The following FER variants were observed in gnomAD, a reference collection of about 807,000 sequenced individuals.
The protein encoded by FER is FER tyrosine kinase.
In FER, 63 loss-of-function variants were observed where a neutral mutation model predicts 111.0. The ratio of observed to expected loss-of-function variants is 0.57; its 90% confidence interval spans 0.46 to 0.70. The LOEUF is 0.70. Among genes scored for constraint, FER ranks in the 30% least tolerant of loss-of-function variants. The pLI, the probability that FER is intolerant of heterozygous loss-of-function variation, is 0.00. For missense variants in FER, 914 were observed against 954.0 expected (o/e 0.96, Z 0.55); for synonymous variants, 327 against 313.9 (o/e 1.04, Z -0.44).
At chr5:109,184,236 A>C (rs574217281) in intron 18 of FER, among the ~76,000 whole-genome samples, 8 of 152,296 alleles carry the variant, frequency 5.3e-5, no homozygotes, top group African/African-American at 1.4e-4. Flanking sequence ...GCATGATGTA[A>C]CTAAGTACTG....
chr5:108,834,424 G>A (rs913854584), intron 4 of FER, among the ~76,000 whole-genome samples: 2 of 152,066 alleles, frequency 1.3e-5, no homozygotes, highest in African/African-American at 2.4e-5. Context: ...CTGGCTGGGT[G>A]CGGTGGCTCA....
At chr5:109,166,147 A>G (rs1233947265) in intron 17 of FER, among the ~76,000 whole-genome samples, 2 of 148,200 alleles carry the variant, frequency 1.3e-5, no homozygotes, top group East Asian at 4.0e-4. Context: ...TTTTTTTTTC[A>G]TTTTCTCATG....
intron 2 of FER, among the ~76,000 whole-genome samples, chr5:108,768,783 A>T (rs1752588395): frequency 6.6e-6 from 1 of 151,832 alleles, no homozygotes; most frequent in African/African-American, 2.4e-5. Flanking sequence ...GGGGGAGGGG[A>T]TAGGTTAAAA....
At chr5:108,844,647 CCA>C (rs1761695658) in intron 5 of FER, among the ~76,000 whole-genome samples, 1 of 152,048 alleles carries the variant, frequency 6.6e-6, no homozygotes, top group African/African-American at 2.4e-5. Context: ...TCCCTGTCTT[CCA>C]CCTCTCTGTG....
chr5:108,810,085 ATAT>A (rs1399086136), intron 3 of FER, among the ~76,000 whole-genome samples: 1 of 151,174 alleles, frequency 6.6e-6, no homozygotes, highest in African/African-American at 2.4e-5. Flanking sequence ...TTTTCTTGTG[ATAT>A]TATTGTTATT....
chr5:108,922,563 T>C (rs1039242412), intron 10 of FER, among the ~76,000 whole-genome samples: 3 of 152,224 alleles, frequency 2.0e-5, no homozygotes, highest in Non-Finnish European at 4.4e-5. Context: ...TTTAATGTTT[T>C]ATGATTTTAT....
chr5:108,909,904 G>T (rs1438708094), intron 10 of FER, among the ~76,000 whole-genome samples: 1 of 151,494 alleles, frequency 6.6e-6, no homozygotes, highest in African/African-American at 2.4e-5. Flanking sequence ...GGAAATTTCA[G>T]ATGTATTAAA....
intron 13 of FER, among the ~76,000 whole-genome samples, chr5:108,990,393 G>A (rs1048669395): frequency 2.6e-5 from 4 of 151,728 alleles, no homozygotes; most frequent in African/African-American, 9.7e-5. Context: ...ATTGATTTAT[G>A]TATATCAATA....
Position 108,897,673 on chromosome 5 carries a change from T to G in FER, c.1061T>G (p.Leu354Arg). Residue 354 changes from leucine to arginine, a missense_variant, in exon 10 of 20, where the codon CTA becomes CGA. By Grantham distance (102) the Leu-to-Arg change is moderately radical. Coordinates refer to ENST00000281092, the MANE Select transcript of FER (RefSeq NM_005246.4). Reference sequence around the variant, plus strand: ...TTCTCTTTTAGTATTGTGCTTCTGCTAAGCCAAAAACAGGCACTTGAAGAA... The same window carrying G: ...TTCTCTTTTAGTATTGTGCTTCTGCGAAGCCAAAAACAGGCACTTGAAGAA... ...CEKKSDIVLL[L>R]SQKQALEELK... 1 of 1,594,852 alleles carries G rather than the reference T, an allele frequency of 6.3e-7. No homozygotes were observed. Among genetic ancestry groups the G allele is most frequent in the South Asian group, 1.1e-5 (1 of 86,974 alleles).
intron 17 of FER, among the ~76,000 whole-genome samples, chr5:109,126,533 A>T (rs2126540576): frequency 6.6e-6 from 1 of 152,306 alleles, no homozygotes; most frequent in South Asian, 2.1e-4. Flanking sequence ...AATAATTTTT[A>T]ATTTTCAAGA....
At chr5:109,051,410 G>T in intron 16 of FER, 1 of 1,612,398 alleles carries the variant, frequency 6.2e-7, no homozygotes, top group Non-Finnish European at 8.5e-7. Flanking sequence ...TGTAGTTCAT[G>T]TCCAGCAGCT....
Position 108,790,288 on chromosome 5 carries a change from T to C in FER, c.-59-7836T>C, listed in dbSNP as rs183506172. The stretch of plus-strand genomic sequence containing the variant: ...ACACACACACACTCTTACATACATA[T>C]ACATATGTGATTTTTTTTCTCTATT... On this transcript the variant is annotated intron_variant, in intron 2 of 19. Transcript: ENST00000281092. 3.5e-3 allele frequency among the ~76,000 whole-genome samples: 513 copies of C among 147,442 alleles called. 2 individuals are homozygous for C. Among genetic ancestry groups the C allele is most frequent in the African/African-American group, 0.012 (489 of 39,660 alleles).
chr5:109,071,650 A>G (rs1390903519), intron 16 of FER, among the ~76,000 whole-genome samples: 1 of 152,028 alleles, frequency 6.6e-6, no homozygotes, highest in Middle Eastern at 3.4e-3. Context: ...AAAGCTAACA[A>G]AATTTTGGGT....
intron 16 of FER, among the ~76,000 whole-genome samples, chr5:109,095,362 C>G (rs1480568285): frequency 6.6e-6 from 1 of 152,064 alleles, no homozygotes; most frequent in Non-Finnish European, 1.5e-5. Flanking sequence ...CGACCCAATT[C>G]TAGCTTATTA....
intron 3 of FER, among the ~76,000 whole-genome samples, chr5:108,824,750 C>T (rs1759262759): frequency 6.6e-6 from 1 of 151,980 alleles, no homozygotes; most frequent in Non-Finnish European, 1.5e-5. Context: ...CTTATTAATT[C>T]AGTTTTTTAA....
intron 10 of FER, among the ~76,000 whole-genome samples, chr5:108,925,581 T>G (rs1326608529): frequency 2.6e-5 from 4 of 152,108 alleles, no homozygotes; most frequent in Admixed American, 2.6e-4. Context: ...ATGCCTCTCT[T>G]TTTTAGGCTT....
At chr5:108,998,367 C>T (rs1764283542) in intron 13 of FER, among the ~76,000 whole-genome samples, 1 of 152,080 alleles carries the variant, frequency 6.6e-6, no homozygotes, top group Admixed American at 6.5e-5. Flanking sequence ...CCTCACAGCA[C>T]AGTCCCTCAT....
chr5:108,965,277 C>G (rs567164480), intron 13 of FER, among the ~76,000 whole-genome samples: 1 of 152,270 alleles, frequency 6.6e-6, no homozygotes, highest in Non-Finnish European at 1.5e-5. Context: ...GCCACATCTT[C>G]TTAGGCAAGC....
chr5:108,915,165 C>T (rs1308266019), intron 10 of FER, among the ~76,000 whole-genome samples: 1 of 152,132 alleles, frequency 6.6e-6, no homozygotes. Context: ...TCTCCAGAAC[C>T]TTAGTCATTA....
Sources: allele counts gnomAD v4.1 joint callset (sites outside exome capture counted in the v4.1 genomes callset), GRCh38; gene constraint gnomAD v4.1.1; transcripts MANE v1.5; gene names NCBI Gene and HGNC (gene_info 2026-07-23, HGNC 2026-07-21).